The following COG5 variants were observed in gnomAD, a reference collection of about 807,000 sequenced individuals.
COG5 encodes the protein component of oligomeric golgi complex 5, also known as conserved oligomeric Golgi complex subunit 5.
Under a neutral mutation model 110.4 loss-of-function variants are expected in COG5, and 86 were observed. The observed-to-expected ratio is 0.78, with a 90% CI of 0.65 to 0.93. The LOEUF (loss-of-function observed/expected upper bound fraction) is 0.93. Ranked by LOEUF, COG5 falls within the 40% of genes least tolerant of loss-of-function variation. The pLI, the probability that COG5 is intolerant of heterozygous loss-of-function variation, is 0.00. For missense variants in COG5, 1,077 were observed against 987.0 expected (o/e 1.09, Z -1.22); for synonymous variants, 360 against 334.6 (o/e 1.08, Z -0.83).
intron 1 of COG5, among the ~76,000 whole-genome samples, chr7:107,558,887 CAA>C (rs1243505305): frequency 2.4e-4 from 4 of 16,618 alleles, no homozygotes; most frequent in Non-Finnish European, 3.6e-4. Flanking sequence ...GACTCTGTCC[CAA>C]AAAAAAAAAA....
intron 6 of COG5, among the ~76,000 whole-genome samples, chr7:107,428,560 G>A (rs1366786492): frequency 6.6e-6 from 1 of 152,182 alleles, no homozygotes; most frequent in Non-Finnish European, 1.5e-5. Context: ...AGAGAGTATG[G>A]CTCTGTTAAC....
intron 11 of COG5, among the ~76,000 whole-genome samples, chr7:107,324,132 G>A (rs1307434981): frequency 6.6e-6 from 1 of 152,008 alleles, no homozygotes; most frequent in Non-Finnish European, 1.5e-5. Context: ...AACATTAACT[G>A]CTTTACACAC....
chr7:107,336,017 A>G (rs905959199), intron 10 of COG5, among the ~76,000 whole-genome samples: 2 of 152,174 alleles, frequency 1.3e-5, no homozygotes, highest in Admixed American at 1.3e-4. Flanking sequence ...CAACACAATA[A>G]TAGTAGAGAA....
chr7:107,235,561 G>C (rs941402373), intron 18 of COG5, among the ~76,000 whole-genome samples: 1 of 152,162 alleles, frequency 6.6e-6, no homozygotes. Context: ...AAATTATCCA[G>C]GCGTGGTGGC....
chr7:107,298,434 C>A, intron 11 of COG5, 88 bp from the exon 12 acceptor site: 2 of 1,092,866 alleles, frequency 1.8e-6, no homozygotes, highest in Non-Finnish European at 2.7e-6. Flanking sequence ...TCCAAATAAC[C>A]CATACTATAG....
At chr7:107,308,897 C>A (rs890955721) in intron 11 of COG5, among the ~76,000 whole-genome samples, 2 of 144,686 alleles carry the variant, frequency 1.4e-5, no homozygotes, top group Non-Finnish European at 3.0e-5. Flanking sequence ...AATACAACCC[C>A]AGTAGTCTCT....
intron 11 of COG5, among the ~76,000 whole-genome samples, chr7:107,315,418 CTTT>C (rs1808643502): frequency 6.6e-6 from 1 of 152,066 alleles, no homozygotes. Flanking sequence ...TGAACAACTT[CTTT>C]GAGTGGCTTA....
At chr7:107,462,956 T>C (rs1796090830) in intron 6 of COG5, among the ~76,000 whole-genome samples, 1 of 152,130 alleles carries the variant, frequency 6.6e-6, no homozygotes, top group Admixed American at 6.6e-5. Context: ...CAGGAGCCAG[T>C]AAAAATATAA....
At chr7:107,242,133 T>C (rs781528677) in intron 17 of COG5, among the ~76,000 whole-genome samples, 2 of 152,140 alleles carry the variant, frequency 1.3e-5, no homozygotes, top group African/African-American at 4.8e-5. Flanking sequence ...GAGGTCAATA[T>C]GGCCAATTAG....
chr7:107,362,826 A>AC (rs1330607102), intron 8 of COG5, among the ~76,000 whole-genome samples: 7 of 151,942 alleles, frequency 4.6e-5, no homozygotes, highest in African/African-American at 9.7e-5. Flanking sequence ...AAAAAAAAAA[A>AC]AACCCTAAAA....
chr7:107,427,306 A>C (rs1793703669), intron 6 of COG5, among the ~76,000 whole-genome samples: 1 of 152,182 alleles, frequency 6.6e-6, no homozygotes, highest in African/African-American at 2.4e-5. Flanking sequence ...CCTATACATC[A>C]AAATTGACAT....
At chr7:107,469,168 T>A (rs1383257655) in intron 6 of COG5, among the ~76,000 whole-genome samples, 2 of 151,786 alleles carry the variant, frequency 1.3e-5, no homozygotes, top group Non-Finnish European at 2.9e-5. Flanking sequence ...ACTTACTTTA[T>A]CCTTTAAAAT....
intron 17 of COG5, among the ~76,000 whole-genome samples, chr7:107,242,218 A>T (rs1330802244): frequency 6.6e-6 from 1 of 152,228 alleles, no homozygotes; most frequent in Non-Finnish European, 1.5e-5. Context: ...CTCAGGGACT[A>T]ATCAAGGAAA....
chr7:107,414,703 C>CTTTTTTTTTTTTTTTT lies in COG5; in HGVS notation c.539-2087_539-2072dup, dbSNP rs530323655. ...ATTGATTCCAAAATCCTCACTGTCC[C>CTTTTTTTTTTTTTTTT]TTTTTTTTTTTTTTTTTTTTTTTTT... On this transcript the variant is annotated intron_variant, in intron 6 of 21. Coordinates refer to ENST00000297135, the MANE Select transcript of COG5 (RefSeq NM_006348.5). Among the ~76,000 whole-genome samples the CTTTTTTTTTTTTTTTT allele has an allele frequency of 2.1e-4, 13 of 61,712 alleles. 3 individuals are homozygous for CTTTTTTTTTTTTTTTT. The highest frequency in any genetic ancestry group is 2.3e-4 in the Non-Finnish European group (6 of 26,224). 40.5% of individuals were successfully genotyped at this position (61,712 alleles called of 152,430 possible).
At chr7:107,375,357 T>TA (rs1290304271) in intron 7 of COG5, among the ~76,000 whole-genome samples, 3 of 152,080 alleles carry the variant, frequency 2.0e-5, no homozygotes, top group Non-Finnish European at 4.4e-5. Context: ...AGTGAACATA[T>TA]ATACATATGC....
intron 6 of COG5, among the ~76,000 whole-genome samples, chr7:107,523,580 C>A (rs374756591): frequency 2.6e-5 from 4 of 151,908 alleles, no homozygotes; most frequent in African/African-American, 9.7e-5. Flanking sequence ...TTTGGGAGGC[C>A]GAGAAGGGTG....
At chr7:107,546,073 G>C (rs1034026625) in intron 5 of COG5, among the ~76,000 whole-genome samples, 1 of 151,792 alleles carries the variant, frequency 6.6e-6, no homozygotes, top group African/African-American at 2.4e-5. Context: ...GATGGATTTC[G>C]AAAAATTCAC....
intron 16 of COG5, among the ~76,000 whole-genome samples, chr7:107,249,635 A>C (rs557320257): frequency 8.6e-5 from 13 of 151,992 alleles, no homozygotes; most frequent in Non-Finnish European, 1.6e-4. Flanking sequence ...TAATCATTAA[A>C]TTCCTAATCT....
At chr7:107,270,870 T>C (rs1298600848) in intron 14 of COG5, among the ~76,000 whole-genome samples, 3 of 146,896 alleles carry the variant, frequency 2.0e-5, no homozygotes, top group Admixed American at 6.8e-5. Context: ...TACTTCATTA[T>C]CCTAACTAGA....
Sources: allele counts gnomAD v4.1 joint callset (sites outside exome capture counted in the v4.1 genomes callset), GRCh38; gene constraint gnomAD v4.1.1; transcripts MANE v1.5; gene names NCBI Gene and HGNC (gene_info 2026-07-23, HGNC 2026-07-21).